FYCO1: variants seen among roughly 807,000 people sequenced by gnomAD.
FYCO1 encodes FYVE and coiled-coil domain autophagy adaptor 1.
Under a neutral mutation model 165.1 loss-of-function variants are expected in FYCO1, and 122 were observed. That is an observed-to-expected ratio of 0.74 (90% CI 0.64 to 0.86). The LOEUF is 0.86. FYCO1 is among the 40% of genes least tolerant of loss of function. The pLI is 0.00. For synonymous variants in FYCO1, 648 were observed against 742.5 expected (o/e 0.87, Z 2.07); for missense variants, 1,702 against 1,810.3 (o/e 0.94, Z 1.09).
At chr3:45,946,810 C>T (rs1293344826) in intron 14 of FYCO1, 1 of 1,614,222 alleles carries the variant, frequency 6.2e-7, no homozygotes, top group Middle Eastern at 1.6e-4. Flanking sequence ...GGCATCTACA[C>T]TATTAACTTC....
intron 14 of FYCO1, among the ~76,000 whole-genome samples, chr3:45,949,504 G>A (rs1704859092): frequency 6.6e-6 from 1 of 152,172 alleles, no homozygotes; most frequent in Admixed American, 6.5e-5. Flanking sequence ...TGAGAATGCA[G>A]GCTCTGGGCT....
chr3:45,982,316 A>G lies in FYCO1; in HGVS notation c.56-640T>C, dbSNP rs189482293. On this transcript the variant is annotated intron_variant, in intron 2 of 17. Coordinates refer to ENST00000296137, the MANE Select transcript of FYCO1 (RefSeq NM_024513.4). Reference sequence around the variant, plus strand: ...GTTTCAGAGCTGTTAAAATGTCAAAAAAAAAAGTACAATTTAGAATCTATG... The same window carrying G: ...GTTTCAGAGCTGTTAAAATGTCAAAGAAAAAAGTACAATTTAGAATCTATG... Among the ~76,000 whole-genome samples the G allele has an allele frequency of 7.4e-4, 112 of 152,326 alleles. 2 individuals carry two copies. The South Asian group carries it at 0.01, about 14-fold the overall frequency.
rs779769393 is a variant in FYCO1 at position 45,965,102 on chromosome 3, G to T, written c.3081C>A (p.Ser1027Arg). The change falls in exon 9 of 18, where the codon AGC becomes AGA. Residue 1027 changes from serine (S) to arginine (R), a missense_variant. Physicochemically the swap from Ser to Arg is moderately radical, Grantham distance 110. Transcript: ENST00000296137. ...CTTGCTCCTCAAGCTGGCCCCTGAGGCTCTTGCACTCTTCACCAGCATTCT... is the reference window on the plus strand; with the variant it reads ...CTTGCTCCTCAAGCTGGCCCCTGAGTCTCTTGCACTCTTCACCAGCATTCT... ...RLKNAGEECKSLRGQLEEQGR... is the reference protein window; with the variant it reads ...RLKNAGEECKRLRGQLEEQGR... 12 of 1,613,828 alleles carry T rather than the reference G, an allele frequency of 7.4e-6. No individual in the cohort carries two copies. Among genetic ancestry groups the T allele is most frequent in the Middle Eastern group, 1.6e-4 (1 of 6,084 alleles).
rs1197450946 is a variant in FYCO1, at chr3:45,964,117, T to G, written c.3269+219A>C. Among the ~76,000 whole-genome samples, 2 of 152,160 alleles carry G rather than the reference T, an allele frequency of 1.3e-5. No homozygotes were observed. Among genetic ancestry groups the G allele is most frequent in the Admixed American group, 1.3e-4 (2 of 15,278 alleles). Reference sequence around the variant, plus strand: ...TATGCACTGCCAGAGAGAAGAAAATTGAGTTAGGAGAAAGGTGCTTTAGCC... The same window carrying G: ...TATGCACTGCCAGAGAGAAGAAAATGGAGTTAGGAGAAAGGTGCTTTAGCC... On this transcript the variant is annotated intron_variant, in intron 10 of 17. Transcript: ENST00000296137. This position sits in a 1 kb window ranked among gnomAD's most constrained non-coding sequence, Gnocchi z 4.1.
chr3:45,995,210 G>A lies in FYCO1; in HGVS notation c.-113+512C>T, dbSNP rs977775118. 2.0e-5 allele frequency among the ~76,000 whole-genome samples: 3 copies of A among 152,330 alleles called. No individual in the cohort carries two copies. The East Asian group carries it at 5.8e-4, about 29-fold the overall frequency. On this transcript the variant is annotated intron_variant, in intron 1 of 17. Coordinates refer to ENST00000296137, the MANE Select transcript of FYCO1 (RefSeq NM_024513.4). ...GGATAGTGAATAGGTCTTGGCCAAA[G>A]GATGGGCCAGGAAGAAAGAAGCTTC...
At chr3:45,921,892 G>T (rs779865636) in intron 17 of FYCO1, 52 bp from the exon 18 acceptor site, 2 of 1,221,362 alleles carry the variant, frequency 1.6e-6, no homozygotes, top group Admixed American at 1.7e-5. Flanking sequence ...CTGAAAGTCC[G>T]AGGGGTGGCA....
Position 45,955,376 on chromosome 3 carries a change from T to C in FYCO1, c.3817A>G (p.Arg1273Gly). Residue 1273 changes from arginine (R) to glycine (G), a missense_variant, in exon 14 of 18, where the codon AGG becomes GGG. Physicochemically the swap from Arg to Gly is moderately radical, Grantham distance 125 (BLOSUM62 -2). Coordinates refer to ENST00000296137, the MANE Select transcript of FYCO1 (RefSeq NM_024513.4). ...TGGQGANTDYRPPDDAVFDII... is the reference protein window; with the variant it reads ...TGGQGANTDYGPPDDAVFDII... Reference sequence around the variant, plus strand: ...TCAAACACAGCGTCGTCCGGTGGCCTGTAGTCTGTATTTGCTCCTGGGCAG... The same window carrying C: ...TCAAACACAGCGTCGTCCGGTGGCCCGTAGTCTGTATTTGCTCCTGGGCAG... 5.0e-6 allele frequency: 8 copies of C among 1,614,208 alleles called. No homozygotes were observed. Among genetic ancestry groups the C allele is most frequent in the Non-Finnish European group, 6.8e-6 (8 of 1,180,030 alleles).
At chr3:45,955,098 G>A (rs545981811) in intron 14 of FYCO1, 151 bp downstream of exon 14, 9 of 923,632 alleles carry the variant, frequency 9.7e-6, no homozygotes, top group East Asian at 2.4e-5. Context: ...CCCGAGCGCC[G>A]ATGCTCTTCA....
intron 16 of FYCO1, 74 bp from the exon 17 acceptor site, chr3:45,923,839 T>C: frequency 3.0e-6 from 3 of 1,001,418 alleles, no homozygotes; most frequent in Non-Finnish European, 4.8e-6. Context: ...GGAAGACCCT[T>C]TATTTTGGGG....
chr3:45,966,812 T>G lies in FYCO1; in HGVS notation c.2522A>C (p.His841Pro). The change falls in exon 8 of 18, where the codon CAT becomes CCT. Residue 841 changes from histidine (H) to proline (P), a missense_variant. His to Pro is a moderately conservative substitution (Grantham distance 77). Transcript: ENST00000296137. Reference sequence around the variant, plus strand: ...CGAGCATTGCAGCAGCTCCTGGACATGGGCTCTGTTAAGGGCTTCATTCTG... The same window carrying G: ...CGAGCATTGCAGCAGCTCCTGGACAGGGGCTCTGTTAAGGGCTTCATTCTG... ...KEQNEALNRA[H>P]VQELLQCSER... 1 of 1,610,480 alleles carries G rather than the reference T, an allele frequency of 6.2e-7. No individual in the cohort carries two copies. The highest frequency in any genetic ancestry group is 1.6e-4 in the Middle Eastern group (1 of 6,062).
In FYCO1 at chr3:45,919,939, C is replaced by A. The variant is rs1420331011; in HGVS notation, c.*1826G>T. 3 of 152,234 alleles carry A rather than the reference C, an allele frequency of 2.0e-5. No homozygotes were observed. Among genetic ancestry groups the A allele is most frequent in the African/African-American group, 7.2e-5 (3 of 41,460 alleles). The allele number at this position is 152,234 out of a possible 1,614,324, so 9.4% of individuals were successfully genotyped here. ...ATTCCAGTACTAAGCATGGTCAGAG[C>A]CTTGGCCAGGAGAAGATGATTGAGC... On this transcript the variant is annotated 3_prime_UTR_variant, in exon 18 of 18. Transcript: ENST00000296137.
chr3:45,989,287 A>G (rs1275596602), intron 1 of FYCO1, among the ~76,000 whole-genome samples: 1 of 152,196 alleles, frequency 6.6e-6, no homozygotes, highest in African/African-American at 2.4e-5. Flanking sequence ...AAGGCAGAAA[A>G]GCCTTTCTGG....
At chr3:45,975,145 T>C (rs1706677328) in intron 5 of FYCO1, 94 bp downstream of exon 5, 8 of 872,796 alleles carry the variant, frequency 9.2e-6, no homozygotes, top group Non-Finnish European at 1.4e-5. Context: ...GGGACACAAA[T>C]GAGCACTACT....
At position 45,986,725 on chromosome 3, in the gene FYCO1, G is replaced by T. The variant is rs74323469; in HGVS notation, c.-112-1703C>A. Among the ~76,000 whole-genome samples, 414 of 152,256 alleles carry T rather than the reference G, an allele frequency of 2.7e-3. 3 individuals are homozygous for T. Among genetic ancestry groups the T allele is most frequent in the African/African-American group, 9.4e-3 (390 of 41,540 alleles). On this transcript the variant is annotated intron_variant, in intron 1 of 17. Coordinates refer to ENST00000296137, the MANE Select transcript of FYCO1 (RefSeq NM_024513.4). ...CCATCAGGGACACCAAACTGAGGAT[G>T]GGAGTGCTTTATGAGAAGCCTGCCT...
At position 45,959,547 on chromosome 3, in the gene FYCO1, G is replaced by A; in HGVS notation, c.3438-5C>T. On this transcript the variant is annotated splice_region_variant and splice_polypyrimidine_tract_variant and intron_variant, in intron 11 of 17. Coordinates refer to ENST00000296137, the MANE Select transcript of FYCO1 (RefSeq NM_024513.4). ...TGCCAGAGAGCATCCTTGTCCCTGG[G>A]ACAAAACCACATTGGAAGAAAAGGA... is the stretch of plus-strand genomic sequence containing the variant. 1.2e-6 allele frequency: 2 copies of A among 1,613,836 alleles called. No individual in the cohort carries two copies. Among genetic ancestry groups the A allele is most frequent in the South Asian group, 2.2e-5 (2 of 91,066 alleles).
chr3:45,934,563 T>C (rs1449542800), intron 15 of FYCO1, among the ~76,000 whole-genome samples: 2 of 152,216 alleles, frequency 1.3e-5, no homozygotes, highest in Admixed American at 6.5e-5. Context: ...TTCTGTCAAA[T>C]CCAGCAGTGT....
chr3:45,969,602 T>C, intron 7 of FYCO1, 73 bp downstream of exon 7: 1 of 1,188,258 alleles, frequency 8.4e-7, no homozygotes, highest in Non-Finnish European at 1.2e-6. Flanking sequence ...AACATCACCC[T>C]TGAGTTGCTA....
chr3:45,928,803 G>A (rs553198867), intron 16 of FYCO1, among the ~76,000 whole-genome samples: 266 of 152,140 alleles, frequency 1.7e-3, no homozygotes, highest in Non-Finnish European at 2.9e-3. Context: ...AAACCACCTG[G>A]AATCACAAAT....
At chr3:45,961,103 C>T (rs1705675063) in intron 11 of FYCO1, among the ~76,000 whole-genome samples, 1 of 152,216 alleles carries the variant, frequency 6.6e-6, no homozygotes, top group East Asian at 1.9e-4. Flanking sequence ...AACCCATTGA[C>T]TAAAAGGGAT....
Sources: gnomAD v4.1 joint callset for allele counts (sites outside exome capture counted in the v4.1 genomes callset) on GRCh38, gnomAD v4.1.1 for gene constraint, Gnocchi (gnomAD v3.1) non-coding constraint, MANE v1.5 for transcripts, NCBI Gene and HGNC (gene_info 2026-07-23, HGNC 2026-07-21) for gene names.